SACS: variants seen among roughly 807,000 people sequenced by gnomAD.
SACS encodes sacsin.
A neutral mutation model predicts 348.0 loss-of-function variants in SACS; 197 were observed. That is an observed-to-expected ratio of 0.57 (90% CI 0.50 to 0.64). The LOEUF is 0.64. Ranked by LOEUF, SACS falls within the 30% of genes least tolerant of loss-of-function variation. The pLI is 0.00. For synonymous variants in SACS, 1,985 were observed against 1,910.6 expected, an observed-to-expected ratio of 1.04 and a Z score of -1.02; for missense variants, 4,999 against 5,360.8, an observed-to-expected ratio of 0.93 and a Z score of 2.11.
In SACS at chr13:23,329,175, A is replaced by G; in HGVS notation, c.*961T>C. 1 of 424,352 alleles carries G rather than the reference A, an allele frequency of 2.4e-6. No homozygotes were observed. Among genetic ancestry groups the G allele is most frequent in the Non-Finnish European group, 4.1e-6 (1 of 243,960 alleles). The allele number at this position is 424,352 out of a possible 1,614,324, so 26.3% of individuals were successfully genotyped here. A position where few individuals can be genotyped will look rare whatever the true frequency, so the allele number is the denominator to read the frequency against. Reference sequence around the variant, plus strand: ...AGCCGATAATTATAAACTACTAGATAACACAATGATTTTAACAATTTTTGA... The same window carrying G: ...AGCCGATAATTATAAACTACTAGATGACACAATGATTTTAACAATTTTTGA... On this transcript the variant is annotated 3_prime_UTR_variant, in exon 10 of 10. Transcript: ENST00000382292.
At chr13:23,403,950 G>C (rs1054940766) in intron 2 of SACS, among the ~76,000 whole-genome samples, 3 of 152,108 alleles carry the variant, frequency 2.0e-5, no homozygotes, top group Admixed American at 1.3e-4. Flanking sequence ...TTGTGTCTTT[G>C]TTCTCATTGG....
Position 23,358,335 on chromosome 13 carries a change from C to A in SACS, c.604G>T (p.Asp202Tyr). The A allele has an allele frequency of 6.2e-7, 1 of 1,613,774 alleles. No individual in the cohort carries two copies. Among genetic ancestry groups the A allele is most frequent in the Non-Finnish European group, 8.5e-7 (1 of 1,179,680 alleles). Residue 202 changes from aspartate (D) to tyrosine (Y), a missense_variant and splice_region_variant, in exon 7 of 10, where the codon GAT (aspartate) becomes TAT (tyrosine). By Grantham distance (160) the Asp-to-Tyr change is radical. This residue lies in a region of SACS where 3,156 missense variants were observed against 3,380.1 expected (regional missense o/e 0.93). Transcript: ENST00000382292. The stretch of plus-strand genomic sequence containing the variant: ...AAGACCGAAAAGCCTAATACTCTAC[C>A]TGTTATATGATAGACAGAATTAAAC... ...IGFNSVYHITDVPCIFSGDQI... is the reference protein window; with the variant it reads ...IGFNSVYHITYVPCIFSGDQI...
intron 1 of SACS, among the ~76,000 whole-genome samples, chr13:23,421,267 C>T (rs1186654606): frequency 6.6e-6 from 1 of 151,540 alleles, no homozygotes; most frequent in Non-Finnish European, 1.5e-5. Context: ...CACCTGGGTC[C>T]TGGATGTCCA....
At chr13:23,417,878 G>T (rs1317601405) in intron 1 of SACS, among the ~76,000 whole-genome samples, 1 of 151,880 alleles carries the variant, frequency 6.6e-6, no homozygotes, top group Non-Finnish European at 1.5e-5. Flanking sequence ...AGACCAACCT[G>T]GGCAACACAG....
At chr13:23,414,145 A>C (rs1873611860) in intron 1 of SACS, among the ~76,000 whole-genome samples, 1 of 152,168 alleles carries the variant, frequency 6.6e-6, no homozygotes, top group Non-Finnish European at 1.5e-5. Flanking sequence ...TCTACTAAAA[A>C]TACAAAAAGT....
intron 2 of SACS, among the ~76,000 whole-genome samples, chr13:23,377,147 G>A (rs1396922441): frequency 1.3e-5 from 2 of 152,168 alleles, no homozygotes; most frequent in Non-Finnish European, 2.9e-5. Context: ...GGAACGAGGA[G>A]GCAGTGCTAA....
intron 1 of SACS, among the ~76,000 whole-genome samples, chr13:23,420,124 G>A (rs9510730): frequency 0.78 from 118,741 of 152,072 alleles, 46,675 homozygotes; most frequent in South Asian, 0.92. Context: ...CCTGTGGTGT[G>A]GGTATCCACG....
rs772895627 is a variant in SACS, at chr13:23,354,725, C to T, written c.1887G>A (p.Ala629=). 11 of 1,613,506 alleles carry T rather than the reference C, an allele frequency of 6.8e-6. No homozygotes were observed. Among genetic ancestry groups the T allele is most frequent in the South Asian group, 3.3e-5 (3 of 91,052 alleles). The part of the protein sequence containing the change: ...GTTPVRKVTP[A]WVRQVLRKCA... Reference sequence around the variant, plus strand: ...ACTTCCGCAGCACCTGCCGCACCCACGCGGGCGTCACCTTCCTCACAGGTG... The same window carrying T: ...ACTTCCGCAGCACCTGCCGCACCCATGCGGGCGTCACCTTCCTCACAGGTG... Residue 629 remains alanine, a synonymous_variant, in exon 8 of 10, where the codon GCG becomes GCA. Transcript: ENST00000382292.
chr13:23,367,909 A>G (rs1271657931), intron 5 of SACS, among the ~76,000 whole-genome samples: 2 of 152,364 alleles, frequency 1.3e-5, no homozygotes, highest in South Asian at 2.1e-4. Context: ...TTTAAAGAGT[A>G]TAATCAAACT....
At position 23,335,896 on chromosome 13, in the gene SACS, G is replaced by C; in HGVS notation, c.7980C>G (p.Ser2660=). 6.2e-7 allele frequency: 1 copy of C among 1,613,386 alleles called. No individual in the cohort carries two copies. Among genetic ancestry groups the C allele is most frequent in the East Asian group, 2.2e-5 (1 of 44,872 alleles). Residue 2660 remains serine (S), a synonymous_variant, in exon 10 of 10, where the codon TCC becomes TCG. Coordinates refer to ENST00000382292, the MANE Select transcript of SACS (RefSeq NM_014363.6). The surrounding 1 kb of genome is among the most constrained non-coding windows in gnomAD (Gnocchi z 4.7). ...CTCTAAACATGCGTCCGGGACTAAT[G>C]GATGTGGCCCCTGGTGCATATCTGG... is the stretch of plus-strand genomic sequence containing the variant. ...PHARYAPGAT[S]ISPGRMFRDL...
chr13:23,428,352 A>G (rs970055730), intron 1 of SACS: 1 of 152,228 alleles, frequency 6.6e-6, no homozygotes, highest in Non-Finnish European at 1.5e-5. Context: ...CTTCAGGAGA[A>G]AATATGAGTC....
chr13:23,358,757 C>T (rs748813573), intron 6 of SACS, among the ~76,000 whole-genome samples: 1 of 151,982 alleles, frequency 6.6e-6, no homozygotes, highest in Non-Finnish European at 1.5e-5. Flanking sequence ...ATAAGGCAAA[C>T]AAGAAAATCA....
At chr13:23,424,007 G>C (rs1874059234) in intron 1 of SACS, among the ~76,000 whole-genome samples, 1 of 152,112 alleles carries the variant, frequency 6.6e-6, no homozygotes, top group Non-Finnish European at 1.5e-5. Flanking sequence ...TCACTGAATG[G>C]AACCTGTGTT....
intron 5 of SACS, among the ~76,000 whole-genome samples, chr13:23,367,550 T>C (rs551659459): frequency 3.3e-4 from 51 of 152,356 alleles, no homozygotes; most frequent in African/African-American, 1.1e-3. Flanking sequence ...TCTCCCATTA[T>C]TGCTTTCTTT....
intron 6 of SACS, among the ~76,000 whole-genome samples, chr13:23,362,065 T>C (rs1450812332): frequency 2.0e-5 from 3 of 152,212 alleles, no homozygotes; most frequent in Non-Finnish European, 4.4e-5. Context: ...TTAAGAGGCA[T>C]AATCCCCTTG....
intron 1 of SACS, chr13:23,419,450 CAG>C (rs1231519558): frequency 3.9e-5 from 6 of 152,290 alleles, no homozygotes; most frequent in African/African-American, 1.4e-4. Flanking sequence ...GCCTGCAGTT[CAG>C]AGTCTCAACA....
At chr13:23,372,657 G>A (rs950735067) in intron 3 of SACS, among the ~76,000 whole-genome samples, 1 of 152,160 alleles carries the variant, frequency 6.6e-6, no homozygotes, top group African/African-American at 2.4e-5. Flanking sequence ...ATGCTATGCT[G>A]CCTTATGTCT....
chr13:23,432,926 T>C (rs1874492832), intron 1 of SACS, among the ~76,000 whole-genome samples: 1 of 152,214 alleles, frequency 6.6e-6, no homozygotes, highest in African/African-American at 2.4e-5. Flanking sequence ...CTCTGAGGTA[T>C]TGACCTCGTT....
intron 2 of SACS, among the ~76,000 whole-genome samples, chr13:23,409,695 T>C (rs1250460335): frequency 6.6e-6 from 1 of 152,152 alleles, no homozygotes; most frequent in Non-Finnish European, 1.5e-5. Context: ...ATGTTTTGAC[T>C]CTCAAAACAT....
Sources: gnomAD v4.1 joint callset for allele counts (sites outside exome capture counted in the v4.1 genomes callset) on GRCh38, gnomAD v4.1.1 for gene constraint, gnomAD v4.1.1 regional missense constraint, Gnocchi (gnomAD v3.1) non-coding constraint, MANE v1.5 for transcripts, NCBI Gene and HGNC (gene_info 2026-07-23, HGNC 2026-07-21) for gene names.